ADAMTS20: variants seen among roughly 807,000 people sequenced by gnomAD.
ADAMTS20 encodes A disintegrin and metalloproteinase with thrombospondin motifs 20.
Under a neutral mutation model 260.1 loss-of-function variants are expected in ADAMTS20, and 225 were observed. The ratio of observed to expected loss-of-function variants is 0.87; its 90% CI spans 0.78 to 0.97. ADAMTS20 has a LOEUF of 0.97. Ranked by LOEUF, ADAMTS20 falls within the 50% of genes least tolerant of loss-of-function variation. ADAMTS20 has a pLI of 0.00. For missense variants in ADAMTS20, 2,400 were observed against 2,337.7 expected (o/e 1.03, Z -0.55); for synonymous variants, 802 against 769.5 (o/e 1.04, Z -0.70).
intron 27 of ADAMTS20, among the ~76,000 whole-genome samples, chr12:43,425,905 A>C (rs761616216): frequency 2.9e-4 from 44 of 152,228 alleles, no homozygotes; most frequent in Non-Finnish European, 4.7e-4. Flanking sequence ...AAATAAATCA[A>C]AGTTTCAATT....
rs189617369 is a variant in ADAMTS20 at position 43,432,908 on chromosome 12, T to C, written c.2721-97A>G. ...CATTCAGTTTTTAAAATCCTAAAAG[T>C]TGATAGACAAACCACCAAAAAACAA... On this transcript the variant is annotated intron_variant, in intron 19 of 38. Transcript: ENST00000389420. 34 of 1,129,252 alleles carry C rather than the reference T, an allele frequency of 3.0e-5. No individual in the cohort carries two copies. In the East Asian group the frequency reaches 6.7e-4, roughly 22 times the overall value. The allele number at this position is 1,129,252 out of a possible 1,614,324, so 70.0% of individuals were successfully genotyped here.
At chr12:43,454,165 C>T (rs1941923431) in intron 11 of ADAMTS20, 113 bp from the exon 12 acceptor site, 1 of 1,196,870 alleles carries the variant, frequency 8.4e-7, no homozygotes. Context: ...CAATTTGAAG[C>T]TAGCTGTTAT....
chr12:43,454,179 T>C, intron 11 of ADAMTS20, 127 bp from the exon 12 acceptor site: 1 of 1,042,864 alleles, frequency 9.6e-7, no homozygotes, highest in Non-Finnish European at 1.3e-6. Context: ...CTGTTATTAA[T>C]TCAGATTACA....
At chr12:43,440,417 G>A (rs1405432365) in intron 16 of ADAMTS20, among the ~76,000 whole-genome samples, 1 of 152,028 alleles carries the variant, frequency 6.6e-6, no homozygotes, top group Non-Finnish European at 1.5e-5. Flanking sequence ...TCAAGTGCTA[G>A]GATTACAGGC....
intron 29 of ADAMTS20, among the ~76,000 whole-genome samples, chr12:43,391,289 G>T (rs1371888670): frequency 6.6e-6 from 1 of 152,146 alleles, no homozygotes; most frequent in Non-Finnish European, 1.5e-5. Context: ...TCACCTCAAG[G>T]ATTAGGATTT....
intron 36 of ADAMTS20, among the ~76,000 whole-genome samples, chr12:43,373,186 G>A (rs935686130): frequency 2.0e-5 from 3 of 152,210 alleles, no homozygotes; most frequent in Non-Finnish European, 4.4e-5. Flanking sequence ...GCAAGTTTAA[G>A]GAAGAAAAAG....
intron 3 of ADAMTS20, among the ~76,000 whole-genome samples, chr12:43,503,886 C>T (rs1327977426): frequency 2.0e-5 from 3 of 152,108 alleles, no homozygotes; most frequent in African/African-American, 4.8e-5. Flanking sequence ...GTTGAAAGAA[C>T]ATGATCTTAT....
chr12:43,535,479 C>T (rs995273835), intron 2 of ADAMTS20, among the ~76,000 whole-genome samples: 5 of 152,054 alleles, frequency 3.3e-5, no homozygotes, highest in African/African-American at 1.2e-4. Flanking sequence ...TTATAATTAA[C>T]CTATAAACTC....
intron 7 of ADAMTS20, among the ~76,000 whole-genome samples, chr12:43,476,762 G>A (rs1344124768): frequency 2.1e-5 from 3 of 140,234 alleles, no homozygotes; most frequent in Non-Finnish European, 4.6e-5. Context: ...ACCAAACACC[G>A]TATATTCTCA....
intron 3 of ADAMTS20, 118 bp from the exon 4 acceptor site, chr12:43,502,523 A>G (rs1942784000): frequency 1.1e-6 from 1 of 924,174 alleles, no homozygotes; most frequent in Non-Finnish European, 1.6e-6. Flanking sequence ...CAACATGAAA[A>G]TAAAAGAACA....
At chr12:43,379,902 A>G (rs1012692039) in intron 31 of ADAMTS20, among the ~76,000 whole-genome samples, 5 of 152,146 alleles carry the variant, frequency 3.3e-5, no homozygotes, top group Non-Finnish European at 7.4e-5. Flanking sequence ...AAGTCTGCCA[A>G]AAGTATTCCA....
intron 19 of ADAMTS20, among the ~76,000 whole-genome samples, chr12:43,433,022 C>T (rs1941479996): frequency 6.6e-6 from 1 of 152,060 alleles, no homozygotes; most frequent in Non-Finnish European, 1.5e-5. Context: ...CAAGGAACCC[C>T]AAGCTTCCTC....
rs535780272 is a variant in ADAMTS20, at chr12:43,519,229, A to C, written c.613+12807T>G. ...AAAAAAGCTTAAACTTTTGGTCTCT[A>C]AAAATTATGTATTCATAATTTTCTA... On this transcript the variant is annotated intron_variant, in intron 3 of 38. Coordinates refer to ENST00000389420, the MANE Select transcript of ADAMTS20 (RefSeq NM_025003.5). Among the ~76,000 whole-genome samples the C allele has an allele frequency of 2.0e-5, 3 of 152,234 alleles. No individual in the cohort carries two copies. The East Asian group carries it at 5.8e-4, about 29-fold the overall frequency.
chr12:43,461,381 T>C (rs1214697001), intron 11 of ADAMTS20, among the ~76,000 whole-genome samples: 2 of 152,132 alleles, frequency 1.3e-5, no homozygotes, highest in African/African-American at 4.8e-5. Flanking sequence ...ATCCATCAAA[T>C]TGTATACCTA....
chr12:43,390,518 A>T (rs981869081), intron 29 of ADAMTS20, among the ~76,000 whole-genome samples: 9 of 152,162 alleles, frequency 5.9e-5, no homozygotes, highest in Non-Finnish European at 1.0e-4. Flanking sequence ...GCCAAGTTGC[A>T]CCTTCAATAC....
chr12:43,532,130 A>G lies in ADAMTS20; in HGVS notation c.519T>C (p.Asn173=), dbSNP rs1243394990. ...GCTTGTTGTGACCATCTTCATATTC[A>G]TTCCCATCTGCCTTCATTATAGGTT... ...FLEPIMKADG[N]EYEDGHNKPH... Residue 173 remains asparagine, a synonymous_variant, in exon 3 of 39, where the codon AAT becomes AAC. Coordinates refer to ENST00000389420, the MANE Select transcript of ADAMTS20 (RefSeq NM_025003.5). The G allele has an allele frequency of 6.2e-7, 1 of 1,612,618 alleles. No homozygotes were observed. Among genetic ancestry groups the G allele is most frequent in the Non-Finnish European group, 8.5e-7 (1 of 1,179,292 alleles).
chr12:43,486,831 A>G (rs554845252), intron 7 of ADAMTS20, among the ~76,000 whole-genome samples: 7 of 152,338 alleles, frequency 4.6e-5, no homozygotes, highest in Admixed American at 2.6e-4. Context: ...AATGCTCATC[A>G]TTACTAATCA....
chr12:43,397,003 T>C (rs1940718468), intron 29 of ADAMTS20, among the ~76,000 whole-genome samples: 1 of 152,294 alleles, frequency 6.6e-6, no homozygotes. Context: ...TCTGTGGCCG[T>C]TCATATTCAG....
chr12:43,409,601 CAAAAAAAAAA>C lies in ADAMTS20; in HGVS notation c.4285-10378_4285-10369del, dbSNP rs67474640. Among the ~76,000 whole-genome samples, 203 of 46,898 alleles carry C rather than the reference CAAAAAAAAAA, an allele frequency of 4.3e-3. 2 individuals are homozygous for C. Among genetic ancestry groups the C allele is most frequent in the African/African-American group, 0.01 (70 of 6,964 alleles). The allele number at this position is 46,898 out of a possible 152,430, so 30.8% of individuals were successfully genotyped here. On this transcript the variant is annotated intron_variant, in intron 28 of 38. Transcript: ENST00000389420. ...TGGGCGACAGAGCGAGACTCCGTCT[CAAAAAAAAAA>C]AAAAAAAAAAAAAAAAAAACAAGAA...
Sources: gnomAD v4.1 joint callset for allele counts (sites outside exome capture counted in the v4.1 genomes callset) on GRCh38, gnomAD v4.1.1 for gene constraint, MANE v1.5 for transcripts, NCBI Gene and HGNC (gene_info 2026-07-23, HGNC 2026-07-21) for gene names.